Variants in ARHGEF1 observed in about 807,000 individuals in gnomAD.
The protein encoded by ARHGEF1 is Rho guanine nucleotide exchange factor 1.
Under a neutral mutation model 119.7 loss-of-function variants are expected in ARHGEF1, and 40 were observed. The ratio of observed to expected loss-of-function variants is 0.33; its 90% CI spans 0.26 to 0.44. The LOEUF is 0.44. ARHGEF1 is among the 20% of genes least tolerant of loss of function. ARHGEF1 has a pLI of 1.00. For missense variants in ARHGEF1, 976 were observed against 1,268.3 expected (o/e 0.77, Z 3.50); for synonymous variants, 494 against 521.0 (o/e 0.95, Z 0.71).
intron 18 of ARHGEF1, among the ~76,000 whole-genome samples, chr19:41,914,572 TCCG>T (rs1568831569): frequency 0.012 from 312 of 26,544 alleles, 32 homozygotes; most frequent in Non-Finnish European, 0.017. Flanking sequence ...CATCTCTGTC[TCCG>T]TCTCTCCCTC....
At chr19:41,894,411 A>T in intron 9 of ARHGEF1, 40 bp from the exon 10 acceptor site, 1 of 1,529,566 alleles carries the variant, frequency 6.5e-7, no homozygotes, top group Non-Finnish European at 8.8e-7. Context: ...TTGTTGTCTC[A>T]GAGATGCTTA....
At chr19:41,893,170 C>A in intron 7 of ARHGEF1, 104 bp from the exon 8 acceptor site, 1 of 1,489,876 alleles carries the variant, frequency 6.7e-7, no homozygotes, top group Non-Finnish European at 9.2e-7. Context: ...CTCTGTCTCT[C>A]TTCCCCCTGC....
At position 41,906,735 on chromosome 19, in the gene ARHGEF1, C is replaced by T. The variant is rs1289768060; in HGVS notation, c.2688C>T (p.Pro896=). 6.2e-7 allele frequency: 1 copy of T among 1,611,338 alleles called. No homozygotes were observed. The highest frequency in any genetic ancestry group is 1.3e-5 in the African/African-American group (1 of 74,716). ...AGGAGGAATTTTGCCGCCTGAGACC[C>T]CTCCTGTCTCAGCTTGGGGGGAACT... The part of the protein sequence containing the change: ...ELEEEFCRLR[P]LLSQLGGNSV... Residue 896 remains proline, a synonymous_variant, in exon 28 of 29, where the codon CCC becomes CCT. Transcript: ENST00000354532. The surrounding 1 kb of genome is among the most constrained non-coding windows in gnomAD (Gnocchi z 4.5).
chr19:41,918,697 C>T (rs1599677688), upstream of ARHGEF1, among the ~76,000 whole-genome samples: 4 of 146,602 alleles, frequency 2.7e-5, no homozygotes, highest in South Asian at 2.3e-4. Flanking sequence ...ACCACATATC[C>T]GCCACACACC....
chr19:41,892,456 C>A lies in ARHGEF1; in HGVS notation c.367+83C>A. 1 of 1,602,656 alleles carries A rather than the reference C, an allele frequency of 6.2e-7. No homozygotes were observed. Among genetic ancestry groups the A allele is most frequent in the South Asian group, 1.1e-5 (1 of 90,882 alleles). On this transcript the variant is annotated intron_variant, in intron 6 of 28. Coordinates refer to ENST00000354532, the MANE Select transcript of ARHGEF1 (RefSeq NM_004706.4). This position sits in a 1 kb window ranked among gnomAD's most constrained non-coding sequence, Gnocchi z 6.3. Reference sequence around the variant, plus strand: ...GGCCAAGGGGAGGGAGGCCGCACTCCCATGCTCTGCTCGGACAGCCGAGAT... The same window carrying A: ...GGCCAAGGGGAGGGAGGCCGCACTCACATGCTCTGCTCGGACAGCCGAGAT...
chr19:41,915,944 C>A (rs545199217), intron 18 of ARHGEF1, among the ~76,000 whole-genome samples: 8 of 152,132 alleles, frequency 5.3e-5, no homozygotes, highest in African/African-American at 9.7e-5. Context: ...CCCCCTCCCC[C>A]CCGCCGGCCG....
intron 13 of ARHGEF1, chr19:41,896,690 A>G (rs1211624470): frequency 8.9e-6 from 6 of 670,426 alleles, no homozygotes; most frequent in African/African-American, 5.9e-5. Context: ...CTTTCCTTTT[A>G]TCCTTCCTTT....
upstream of ARHGEF1, among the ~76,000 whole-genome samples, chr19:41,922,100 A>AC (rs2074845740): frequency 6.6e-6 from 1 of 152,038 alleles, no homozygotes; most frequent in Non-Finnish European, 1.5e-5. Flanking sequence ...GGGCGGGGGC[A>AC]GAGAGCTGAA....
intron 18 of ARHGEF1, among the ~76,000 whole-genome samples, chr19:41,913,484 C>G (rs1314905626): frequency 2.0e-5 from 3 of 151,790 alleles, no homozygotes; most frequent in Non-Finnish European, 4.4e-5. Flanking sequence ...AGGCGCAGCC[C>G]TGACCCGCAG....
downstream of ARHGEF1, chr19:41,908,415 A>G (rs2074731239): frequency 1.6e-6 from 2 of 1,231,058 alleles, no homozygotes; most frequent in African/African-American, 1.6e-5. The surrounding 1 kb of genome is among the most constrained non-coding windows in gnomAD (Gnocchi z 6.7). Context: ...GGCCGCTGCC[A>G]GGCCCGAGGG....
At chr19:41,910,707 G>A (rs1568829752), downstream of ARHGEF1, among the ~76,000 whole-genome samples, 1 of 152,150 alleles carries the variant, frequency 6.6e-6, no homozygotes, top group Admixed American at 6.5e-5. This position sits in a 1 kb window ranked among gnomAD's most constrained non-coding sequence, Gnocchi z 4.4. Flanking sequence ...TCCAAGAGCA[G>A]TCCAGAACGA....
In ARHGEF1 at chr19:41,892,232, C is replaced by A. The variant is rs994534040; in HGVS notation, c.325-99C>A. The A allele has an allele frequency of 6.3e-7, 1 of 1,575,560 alleles. No homozygotes were observed. Among genetic ancestry groups the A allele is most frequent in the African/African-American group, 1.3e-5 (1 of 74,232 alleles). ...AGGGCAGCTGCTGACCCAGGCCTTCCCCAGCACCCTCGCTTAGACCAGGGT... is the reference window on the plus strand; with the variant it reads ...AGGGCAGCTGCTGACCCAGGCCTTCACCAGCACCCTCGCTTAGACCAGGGT... On this transcript the variant is annotated intron_variant, in intron 5 of 28. Transcript: ENST00000354532. This position sits in a 1 kb window ranked among gnomAD's most constrained non-coding sequence, Gnocchi z 6.3.
chr19:41,909,706 C>T (rs2074741660), downstream of ARHGEF1, among the ~76,000 whole-genome samples: 1 of 152,148 alleles, frequency 6.6e-6, no homozygotes, highest in Non-Finnish European at 1.5e-5. The surrounding 1 kb of genome is among the most constrained non-coding windows in gnomAD (Gnocchi z 5.2). Context: ...CTCCTCCTCG[C>T]CTCCCTTCCA....
At chr19:41,884,124 A>G (rs1404226596) in intron 1 of ARHGEF1, among the ~76,000 whole-genome samples, 1 of 152,108 alleles carries the variant, frequency 6.6e-6, no homozygotes, top group African/African-American at 2.4e-5. Flanking sequence ...TGGGGTGACT[A>G]GGAGATCTCC....
Position 41,892,032 on chromosome 19 carries a change from G to A in ARHGEF1, c.233G>A (p.Cys78Tyr), listed in dbSNP as rs980185938. Residue 78 changes from cysteine to tyrosine, a missense_variant, in exon 5 of 29, where the codon TGT (cysteine) becomes TAT (tyrosine). Cys to Tyr is a radical substitution (Grantham distance 194, BLOSUM62 -2). This residue lies in a region of ARHGEF1 where 519 missense variants were observed against 580.9 expected (regional missense o/e 0.89). Coordinates refer to ENST00000354532, the MANE Select transcript of ARHGEF1 (RefSeq NM_004706.4). This position sits in a 1 kb window ranked among gnomAD's most constrained non-coding sequence, Gnocchi z 6.3. The part of the protein sequence containing the change: ...LQFEPGPLLC[C>Y]LHADMLGSLG... Reference sequence around the variant, plus strand: ...GCTGTGTGTCTCCCCCAGCTTTGCTGTCTGCATGCCGACATGCTGGGCTCA... The same window carrying A: ...GCTGTGTGTCTCCCCCAGCTTTGCTATCTGCATGCCGACATGCTGGGCTCA... 7.5e-6 allele frequency: 12 copies of A among 1,607,276 alleles called. No homozygotes were observed. Among genetic ancestry groups the A allele is most frequent in the Non-Finnish European group, 9.4e-6 (11 of 1,175,462 alleles).
In ARHGEF1 at chr19:41,894,217, G is replaced by A; in HGVS notation, c.655G>A (p.Val219Ile). 6.5e-7 allele frequency: 1 copy of A among 1,536,476 alleles called. No individual in the cohort carries two copies. Among genetic ancestry groups the A allele is most frequent in the Non-Finnish European group, 8.8e-7 (1 of 1,139,304 alleles). ...STDEEKSAAVVNAIGLYMRHL... is the reference protein window; with the variant it reads ...STDEEKSAAVINAIGLYMRHL... ...GTCCCTTCCCTACAGTGCTGCCGTG[G>A]TCAACGCCATTGGCCTGTACATGCG... Residue 219 changes from valine to isoleucine, a missense_variant, in exon 9 of 29, where the codon GTC becomes ATC. Val to Ile is a conservative substitution (Grantham distance 29). Coordinates refer to ENST00000354532, the MANE Select transcript of ARHGEF1 (RefSeq NM_004706.4).
intron 9 of ARHGEF1, 45 bp downstream of exon 9, chr19:41,894,351 C>T (rs1196897968): frequency 9.9e-6 from 15 of 1,515,116 alleles, no homozygotes; most frequent in South Asian, 2.6e-5. Context: ...TCTCCAGAGA[C>T]GCCCTGGGAG....
chr19:41,890,360 AG>A (rs1234523304), intron 4 of ARHGEF1: 1 of 150,658 alleles, frequency 6.6e-6, no homozygotes, highest in Non-Finnish European at 1.5e-5. Context: ...AAAAAAAAAA[AG>A]TGGGGCCGGG....
At position 41,903,904 on chromosome 19, in the gene ARHGEF1, C is replaced by A. The variant is rs2074646554; in HGVS notation, c.1917+120C>A. ...TACACCCAGGAAGCGAGAGCTCTGT[C>A]CCCCACCTCATGCCAATCCCATGAT... On this transcript the variant is annotated intron_variant, in intron 20 of 28. Coordinates refer to ENST00000354532, the MANE Select transcript of ARHGEF1 (RefSeq NM_004706.4). This position sits in a 1 kb window ranked among gnomAD's most constrained non-coding sequence, Gnocchi z 4.2. The A allele has an allele frequency of 3.7e-6, 5 of 1,352,066 alleles. No individual in the cohort carries two copies. The African/African-American group carries it at 4.3e-5, about 12-fold the overall frequency. 83.8% of individuals were successfully genotyped at this position (1,352,066 alleles called of 1,614,324 possible).
Sources: allele counts gnomAD v4.1 joint callset (sites outside exome capture counted in the v4.1 genomes callset), GRCh38; gene constraint gnomAD v4.1.1; regional missense constraint gnomAD v4.1.1; non-coding constraint Gnocchi (gnomAD v3.1); transcripts MANE v1.5; gene names NCBI Gene and HGNC (gene_info 2026-07-23, HGNC 2026-07-21).